The following SNTG1 variants were observed in gnomAD, a reference collection of about 807,000 sequenced individuals.
SNTG1 encodes gamma-1-syntrophin.
In SNTG1, 39 loss-of-function variants were observed where a neutral mutation model predicts 74.7. The ratio of observed to expected loss-of-function variants is 0.52; its 90% CI spans 0.40 to 0.68. The LOEUF (loss-of-function observed/expected upper bound fraction) is 0.68, where lower values mean the gene tolerates loss of function less well. SNTG1 is among the 30% of genes least tolerant of loss of function. The pLI is 0.00. For synonymous variants in SNTG1, 254 were observed against 217.1 expected (o/e 1.17, Z -1.49); for missense variants, 685 against 609.5 (o/e 1.12, Z -1.30).
chr8:50,205,807 C>A (rs569306886), intron 2 of SNTG1, among the ~76,000 whole-genome samples: 2 of 152,274 alleles, frequency 1.3e-5, no homozygotes, highest in Admixed American at 6.5e-5. Context: ...TTTCCCAGCA[C>A]CATTTGTTAA....
At chr8:50,538,682 A>G (rs907811720) in intron 11 of SNTG1, among the ~76,000 whole-genome samples, 2 of 151,976 alleles carry the variant, frequency 1.3e-5, no homozygotes, top group Non-Finnish European at 2.9e-5. Context: ...TTTCTCCTAA[A>G]TGGGCTTTAT....
At chr8:49,991,839 C>G (rs1001715710) in intron 1 of SNTG1, among the ~76,000 whole-genome samples, 1 of 152,110 alleles carries the variant, frequency 6.6e-6, no homozygotes, top group Non-Finnish European at 1.5e-5. Flanking sequence ...GTGAGTACTT[C>G]TCTTTGGTAT....
At chr8:49,930,580 A>G (rs1029675195) in intron 1 of SNTG1, among the ~76,000 whole-genome samples, 8 of 151,976 alleles carry the variant, frequency 5.3e-5, no homozygotes, top group Non-Finnish European at 1.2e-4. Context: ...TATATATGTT[A>G]CAGAAACCAT....
intron 1 of SNTG1, among the ~76,000 whole-genome samples, chr8:50,024,987 A>G (rs1817146081): frequency 1.3e-5 from 2 of 152,212 alleles, no homozygotes; most frequent in African/African-American, 4.8e-5. Flanking sequence ...TTCCTATTTA[A>G]TATTATTTTA....
intron 2 of SNTG1, among the ~76,000 whole-genome samples, chr8:50,188,398 T>A (rs535583361): frequency 8.5e-5 from 13 of 152,266 alleles, no homozygotes; most frequent in African/African-American, 2.9e-4. Flanking sequence ...TTTGCGATTG[T>A]CTTCAGGAAG....
chr8:50,727,871 C>T (rs1005805344), intron 17 of SNTG1, among the ~76,000 whole-genome samples: 2 of 152,206 alleles, frequency 1.3e-5, no homozygotes, highest in Admixed American at 6.5e-5. Context: ...CAAATAAGTT[C>T]TTCTTCACCT....
intron 11 of SNTG1, among the ~76,000 whole-genome samples, chr8:50,540,096 C>T (rs1447694689): frequency 1.3e-5 from 2 of 152,068 alleles, no homozygotes; most frequent in African/African-American, 4.8e-5. Context: ...CAGGGGCTTC[C>T]CATACTTTTG....
chr8:49,925,609 CA>C (rs1446945063), intron 1 of SNTG1, among the ~76,000 whole-genome samples: 2 of 152,164 alleles, frequency 1.3e-5, no homozygotes, highest in African/African-American at 4.8e-5. Context: ...GATTCACACC[CA>C]GCTACCCTGG....
At chr8:50,633,903 CT>C (rs1414607692) in intron 13 of SNTG1, among the ~76,000 whole-genome samples, 2 of 152,164 alleles carry the variant, frequency 1.3e-5, no homozygotes, top group Non-Finnish European at 1.5e-5. Context: ...ATTCCTATAT[CT>C]GTGTATGCAG....
intron 15 of SNTG1, 112 bp downstream of exon 15, chr8:50,658,775 C>A: frequency 4.1e-5 from 27 of 651,722 alleles, no homozygotes; most frequent in South Asian, 8.7e-5. Flanking sequence ...AGAAGAGACA[C>A]GATAAAGACA....
chr8:50,431,304 C>A (rs559061710), intron 4 of SNTG1, among the ~76,000 whole-genome samples: 2 of 152,094 alleles, frequency 1.3e-5, no homozygotes, highest in Non-Finnish European at 2.9e-5. Flanking sequence ...CAAATGTTCC[C>A]CTCTGATAGG....
rs528682227 is a variant in SNTG1 at position 49,937,504 on chromosome 8, G to A, written c.-103+25273G>A. Among the ~76,000 whole-genome samples the A allele has an allele frequency of 2.9e-3, 441 of 152,278 alleles. 3 individuals carry two copies. The highest frequency in any genetic ancestry group is 5.3e-3 in the Non-Finnish European group (361 of 68,028). On this transcript the variant is annotated intron_variant, in intron 1 of 18. Transcript: ENST00000642720. ...TGGCTTTTTATTTGTACTGTTTCAA[G>A]GTGAACTAGAACATTTAAAATTCTC...
intron 13 of SNTG1, among the ~76,000 whole-genome samples, chr8:50,647,061 T>C (rs1308151749): frequency 2.0e-5 from 3 of 152,030 alleles, no homozygotes; most frequent in Admixed American, 2.0e-4. Flanking sequence ...CTACAAACAT[T>C]AACTCAAAAT....
At chr8:49,951,760 A>T (rs529143580) in intron 1 of SNTG1, among the ~76,000 whole-genome samples, 23 of 151,660 alleles carry the variant, frequency 1.5e-4, no homozygotes, top group Admixed American at 9.2e-4. Context: ...AAGTATAATA[A>T]TAAAAAAAAA....
At chr8:50,666,660 A>G (rs1057492339) in intron 15 of SNTG1, among the ~76,000 whole-genome samples, 1 of 152,142 alleles carries the variant, frequency 6.6e-6, no homozygotes, top group Non-Finnish European at 1.5e-5. Flanking sequence ...TGCCTCATAT[A>G]GAGACAACAC....
intron 1 of SNTG1, among the ~76,000 whole-genome samples, chr8:49,934,969 T>C (rs969961869): frequency 2.0e-5 from 3 of 152,086 alleles, no homozygotes; most frequent in African/African-American, 7.2e-5. Context: ...AACTATTATT[T>C]ATCTTCATGA....
intron 2 of SNTG1, among the ~76,000 whole-genome samples, chr8:50,291,621 A>T (rs1338359356): frequency 1.3e-5 from 2 of 152,118 alleles, no homozygotes; most frequent in Non-Finnish European, 1.5e-5. Flanking sequence ...TGTTTGTATG[A>T]TAGAGAATCA....
chr8:50,151,378 AT>A (rs1176318889), intron 1 of SNTG1, among the ~76,000 whole-genome samples: 1 of 152,004 alleles, frequency 6.6e-6, no homozygotes, highest in Non-Finnish European at 1.5e-5. Flanking sequence ...GGTTTCACTG[AT>A]TTTTTTAAAG....
intron 1 of SNTG1, among the ~76,000 whole-genome samples, chr8:50,087,483 G>A (rs1208438693): frequency 6.6e-6 from 1 of 152,102 alleles, no homozygotes; most frequent in Non-Finnish European, 1.5e-5. Context: ...ATGCTAAAAT[G>A]TTCCACCTTT....
Sources: gnomAD v4.1 joint callset for allele counts (sites outside exome capture counted in the v4.1 genomes callset) on GRCh38, gnomAD v4.1.1 for gene constraint, MANE v1.5 for transcripts, NCBI Gene and HGNC (gene_info 2026-07-23, HGNC 2026-07-21) for gene names.